CACNB2: variants seen among roughly 807,000 people sequenced by gnomAD.
The protein encoded by CACNB2 is calcium voltage-gated channel auxiliary subunit beta 2.
A neutral mutation model predicts 73.3 loss-of-function variants in CACNB2; 42 were observed. The ratio of observed to expected loss-of-function variants is 0.57; its 90% CI spans 0.45 to 0.74. The LOEUF is 0.74. CACNB2 is among the 30% of genes least tolerant of loss of function. The pLI is 0.00. For missense variants in CACNB2, 940 were observed against 853.0 expected (o/e 1.10, Z -1.27); for synonymous variants, 348 against 310.3 (o/e 1.12, Z -1.28).
intron 12 of CACNB2, 39 bp downstream of exon 12, chr10:18,536,235 G>C: frequency 2.5e-6 from 1 of 395,434 alleles, no homozygotes; most frequent in Non-Finnish European, 4.7e-6. Context: ...CAGTTACAGA[G>C]ATCAGACCTT....
At chr10:18,474,680 G>A (rs750423780) in intron 3 of CACNB2, among the ~76,000 whole-genome samples, 1 of 152,024 alleles carries the variant, frequency 6.6e-6, no homozygotes, top group Non-Finnish European at 1.5e-5. Flanking sequence ...CCTTAGCTCC[G>A]TGCCACTCAG....
At chr10:18,323,393 T>C (rs187237089) in intron 2 of CACNB2, among the ~76,000 whole-genome samples, 1 of 152,126 alleles carries the variant, frequency 6.6e-6, no homozygotes, top group African/African-American at 2.4e-5. Flanking sequence ...GGCTTGGTTT[T>C]TTTTTACTGA....
intron 2 of CACNB2, among the ~76,000 whole-genome samples, chr10:18,177,374 C>A (rs142809840): frequency 0.045 from 6,755 of 151,232 alleles, 215 homozygotes; most frequent in Middle Eastern, 0.11. Flanking sequence ...AATCCCAGCA[C>A]TTTGGGAGGC....
At chr10:18,170,701 C>G (rs2131147703) in intron 2 of CACNB2, among the ~76,000 whole-genome samples, 1 of 152,332 alleles carries the variant, frequency 6.6e-6, no homozygotes, top group African/African-American at 2.4e-5. Context: ...TTTTTATAGT[C>G]TTAATGACAT....
intron 2 of CACNB2, among the ~76,000 whole-genome samples, chr10:18,317,951 G>A (rs998318894): frequency 1.4e-4 from 21 of 151,974 alleles, no homozygotes; most frequent in African/African-American, 4.6e-4. Flanking sequence ...GGAGAACTAC[G>A]AACCACTGCT....
At chr10:18,145,154 C>A (rs1321352452) in intron 1 of CACNB2, among the ~76,000 whole-genome samples, 1 of 152,202 alleles carries the variant, frequency 6.6e-6, no homozygotes, top group Non-Finnish European at 1.5e-5. Flanking sequence ...CTGCCAGATG[C>A]TTTTCAAGCA....
intron 2 of CACNB2, among the ~76,000 whole-genome samples, chr10:18,316,644 T>C (rs1243068027): frequency 1.3e-5 from 2 of 152,162 alleles, no homozygotes; most frequent in African/African-American, 4.8e-5. Flanking sequence ...TTGTATTCGT[T>C]GTAGTGCCAA....
intron 2 of CACNB2, among the ~76,000 whole-genome samples, chr10:18,303,552 A>G (rs1035125029): frequency 1.3e-5 from 2 of 152,158 alleles, no homozygotes; most frequent in African/African-American, 2.4e-5. Context: ...AACACAATCC[A>G]GGGCCACGTG....
At chr10:18,198,094 T>C (rs964901509) in intron 2 of CACNB2, among the ~76,000 whole-genome samples, 17 of 148,148 alleles carry the variant, frequency 1.1e-4, no homozygotes, top group Non-Finnish European at 3.0e-5. Context: ...CTTACATAAT[T>C]AACATGTAAT....
chr10:18,427,796 G>A (rs1037564806), intron 3 of CACNB2, among the ~76,000 whole-genome samples: 1 of 152,048 alleles, frequency 6.6e-6, no homozygotes, highest in Admixed American at 6.5e-5. Context: ...AATCTCTGCA[G>A]TATCTACAGT....
At chr10:18,265,436 G>A (rs1679774691) in intron 2 of CACNB2, among the ~76,000 whole-genome samples, 1 of 151,994 alleles carries the variant, frequency 6.6e-6, no homozygotes, top group South Asian at 2.1e-4. Flanking sequence ...CGGCCATTTA[G>A]CCATCTTCTT....
chr10:18,498,414 T>C lies in CACNB2; in HGVS notation c.393T>C (p.Asp131=). 2 of 1,614,152 alleles carry C rather than the reference T, an allele frequency of 1.2e-6. No individual in the cohort carries two copies. Among genetic ancestry groups the C allele is most frequent in the African/African-American group, 1.3e-5 (1 of 75,054 alleles). ...TCAGCTACAGTGCGGCCCATGAAGA[T>C]GATGTTCCAGTGCCTGGCATGGCCA... ...TNVSYSAAHE[D]DVPVPGMAIS... The change falls in exon 4 of 14, where the codon GAT becomes GAC. Residue 131 remains aspartate (D), a synonymous_variant. Coordinates refer to ENST00000324631, the MANE Select transcript of CACNB2 (RefSeq NM_201596.3).
intron 1 of CACNB2, among the ~76,000 whole-genome samples, chr10:18,150,025 T>C (rs2031367579): frequency 6.6e-6 from 1 of 152,246 alleles, no homozygotes; most frequent in Non-Finnish European, 1.5e-5. Context: ...CTAACCTGTG[T>C]GCTACATTTA....
chr10:18,163,190 C>T (rs117955456), intron 2 of CACNB2, among the ~76,000 whole-genome samples: 3 of 152,156 alleles, frequency 2.0e-5, no homozygotes, highest in Admixed American at 1.3e-4. Flanking sequence ...GCTAGCTACT[C>T]TAGTGAGTAC....
At chr10:18,341,137 CT>C (rs1434683021) in intron 2 of CACNB2, among the ~76,000 whole-genome samples, 1 of 152,202 alleles carries the variant, frequency 6.6e-6, no homozygotes, top group African/African-American at 2.4e-5. Context: ...AGTGTTATTA[CT>C]TTAATGCTGT....
intron 3 of CACNB2, among the ~76,000 whole-genome samples, chr10:18,447,555 TGCAGAG>T (rs2046796312): frequency 6.6e-6 from 1 of 152,154 alleles, no homozygotes; most frequent in African/African-American, 2.4e-5. Flanking sequence ...AATAGGACTT[TGCAGAG>T]TCAGGGAGTG....
rs188950280 is a variant in CACNB2, at chr10:18,321,278, G to T, written c.214-80646G>T. Reference sequence around the variant, plus strand: ...CATTTATTGATTAGATCAACTTGGGGTATAAGTGCAGTGATGTAACTAGAC... The same window carrying T: ...CATTTATTGATTAGATCAACTTGGGTTATAAGTGCAGTGATGTAACTAGAC... On this transcript the variant is annotated intron_variant, in intron 2 of 13. Coordinates refer to ENST00000324631, the MANE Select transcript of CACNB2 (RefSeq NM_201596.3). Among the ~76,000 whole-genome samples, 5 of 152,272 alleles carry T rather than the reference G, an allele frequency of 3.3e-5. No homozygotes were observed. In the East Asian group the frequency reaches 7.7e-4, roughly 24 times the overall value.
At chr10:18,161,184 C>T (rs2131091694) in intron 2 of CACNB2, among the ~76,000 whole-genome samples, 1 of 152,286 alleles carries the variant, frequency 6.6e-6, no homozygotes, top group South Asian at 2.1e-4. Context: ...AAAAGTTCTT[C>T]AGGAAGTCCC....
intron 3 of CACNB2, among the ~76,000 whole-genome samples, chr10:18,483,043 T>G (rs1371883301): frequency 6.6e-6 from 1 of 152,158 alleles, no homozygotes; most frequent in Admixed American, 6.5e-5. Context: ...CACTAAGCTT[T>G]CCTTCAGAAA....
Sources: gnomAD v4.1 joint callset for allele counts (sites outside exome capture counted in the v4.1 genomes callset) on GRCh38, gnomAD v4.1.1 for gene constraint, MANE v1.5 for transcripts, NCBI Gene and HGNC (gene_info 2026-07-23, HGNC 2026-07-21) for gene names.